MARCHF6: variants seen among roughly 807,000 people sequenced by gnomAD.
MARCHF6 encodes the protein membrane associated ring-CH-type finger 6, also known as E3 ubiquitin-protein ligase MARCHF6.
A neutral mutation model predicts 133.7 loss-of-function variants in MARCHF6; 31 were observed. That is an observed-to-expected ratio of 0.23 (90% confidence interval 0.17 to 0.31). MARCHF6 has a LOEUF of 0.31. MARCHF6 is among the 10% of genes least tolerant of loss of function. The pLI is 1.00. For synonymous variants in MARCHF6, 395 were observed against 402.5 expected (o/e 0.98, Z 0.22); for missense variants, 723 against 1,121.6 (o/e 0.64, Z 5.08).
chr5:10,431,726 G>C (rs972708440), intron 25 of MARCHF6, among the ~76,000 whole-genome samples: 23 of 152,036 alleles, frequency 1.5e-4, no homozygotes, highest in African/African-American at 5.6e-4. Flanking sequence ...GTTGGGTTCA[G>C]AGTCTCCTTT....
chr5:10,401,981 A>T, intron 11 of MARCHF6, 78 bp from the exon 12 acceptor site: 1 of 820,222 alleles, frequency 1.2e-6, no homozygotes, highest in Non-Finnish European at 2.1e-6. Flanking sequence ...TTAGTCATTT[A>T]GATTGTTTAA....
intron 1 of MARCHF6, among the ~76,000 whole-genome samples, chr5:10,362,282 G>T (rs778707509): frequency 6.6e-6 from 1 of 152,086 alleles, no homozygotes; most frequent in Non-Finnish European, 1.5e-5. Context: ...TGTCTACTAC[G>T]TATCTAGGAC....
At chr5:10,422,771 A>G (rs540232650) in intron 22 of MARCHF6, among the ~76,000 whole-genome samples, 1 of 144,476 alleles carries the variant, frequency 6.9e-6, no homozygotes, top group African/African-American at 2.9e-5. Flanking sequence ...AGAATTAACA[A>G]TCTGAGCAAA....
intron 5 of MARCHF6, 109 bp downstream of exon 5, chr5:10,387,175 ATAATT>A: frequency 1.3e-6 from 1 of 741,496 alleles, no homozygotes; most frequent in Non-Finnish European, 2.2e-6. Context: ...TTTGAGAACA[ATAATT>A]TATGTCTATT....
intron 18 of MARCHF6, 46 bp from the exon 19 acceptor site, chr5:10,411,287 A>G: frequency 1.4e-6 from 2 of 1,471,760 alleles, no homozygotes; most frequent in Non-Finnish European, 1.9e-6. Context: ...CTGCCATTTT[A>G]TTGTGACCTG....
In MARCHF6 at chr5:10,408,261, CT is replaced by C. The variant is rs368439221; in HGVS notation, c.1553+1060del. ...TTCTAGAACTTGGATTATTTTACCCCTGTGTTTAAAAGTTGGCAGCACTTCC... is the reference window on the plus strand; with the variant it reads ...TTCTAGAACTTGGATTATTTTACCCCGTGTTTAAAAGTTGGCAGCACTTCC... On this transcript the variant is annotated intron_variant, in intron 17 of 25. Coordinates refer to ENST00000274140, the MANE Select transcript of MARCHF6 (RefSeq NM_005885.4). 2.9e-4 allele frequency among the ~76,000 whole-genome samples: 44 copies of C among 152,286 alleles called. No homozygotes were observed. In the East Asian group the frequency reaches 7.9e-3, roughly 27 times the overall value.
At chr5:10,380,420 T>G (rs892998361) in intron 3 of MARCHF6, among the ~76,000 whole-genome samples, 1 of 152,220 alleles carries the variant, frequency 6.6e-6, no homozygotes, top group Non-Finnish European at 1.5e-5. Flanking sequence ...GTTGAGTATC[T>G]TCATGAAATT....
At chr5:10,380,946 G>T (rs550809581) in intron 3 of MARCHF6, among the ~76,000 whole-genome samples, 1 of 150,960 alleles carries the variant, frequency 6.6e-6, no homozygotes, top group East Asian at 1.9e-4. Flanking sequence ...AAAAAAAGGT[G>T]CTATTTGTCA....
intron 19 of MARCHF6, chr5:10,413,205 A>C (rs112622661): frequency 0.025 from 3,874 of 152,302 alleles, 69 homozygotes; most frequent in Non-Finnish European, 0.036. Flanking sequence ...TTATCTCTTA[A>C]TAGCAGATCT....
chr5:10,369,044 A>C (rs1408394655), intron 1 of MARCHF6, among the ~76,000 whole-genome samples: 2 of 152,110 alleles, frequency 1.3e-5, no homozygotes, highest in Non-Finnish European at 2.9e-5. Context: ...GCTTGATGGA[A>C]GCTCCATCCC....
chr5:10,407,953 T>TTCC (rs1739001815), intron 17 of MARCHF6, among the ~76,000 whole-genome samples: 6 of 81,868 alleles, frequency 7.3e-5, no homozygotes, highest in African/African-American at 2.7e-4. Flanking sequence ...TGAAACTGCA[T>TTCC]CCCCCCCCCC....
At chr5:10,364,213 A>C (rs1259144839) in intron 1 of MARCHF6, among the ~76,000 whole-genome samples, 1 of 152,222 alleles carries the variant, frequency 6.6e-6, no homozygotes, top group Admixed American at 6.5e-5. Context: ...GAGGTAGAGC[A>C]GTTGGAATTT....
chr5:10,364,700 A>T (rs778127171), intron 1 of MARCHF6, among the ~76,000 whole-genome samples: 9 of 152,174 alleles, frequency 5.9e-5, no homozygotes, highest in Non-Finnish European at 8.8e-5. Flanking sequence ...AATCTCCACC[A>T]TGACTTGCGT....
chr5:10,401,737 A>G (rs1738543618), intron 11 of MARCHF6: 1 of 354,358 alleles, frequency 2.8e-6, no homozygotes, highest in Non-Finnish European at 5.1e-6. Context: ...AGCCTTTAGC[A>G]AATCTGCTTT....
At chr5:10,382,939 C>A (rs1737242891) in intron 4 of MARCHF6, among the ~76,000 whole-genome samples, 1 of 152,102 alleles carries the variant, frequency 6.6e-6, no homozygotes, top group Non-Finnish European at 1.5e-5. Context: ...TACTAATCAA[C>A]CCCCCTAATC....
intron 10 of MARCHF6, 97 bp downstream of exon 10, chr5:10,397,441 G>T: frequency 1.1e-6 from 1 of 905,540 alleles, no homozygotes. Context: ...TTTTAACATA[G>T]AAATAAATAC....
At chr5:10,392,410 T>C (rs1374229588) in intron 7 of MARCHF6, among the ~76,000 whole-genome samples, 1 of 152,158 alleles carries the variant, frequency 6.6e-6, no homozygotes, top group African/African-American at 2.4e-5. Flanking sequence ...ATTTCTAAGA[T>C]TGAAAAAGAA....
chr5:10,427,150 T>A (rs1204775227), intron 24 of MARCHF6, among the ~76,000 whole-genome samples: 1 of 152,220 alleles, frequency 6.6e-6, no homozygotes, highest in Non-Finnish European at 1.5e-5. Flanking sequence ...TCCATGTCCC[T>A]CTGGTCTCCA....
Position 10,394,791 on chromosome 5 carries a change from TA to T in MARCHF6, c.861+10del. The T allele has an allele frequency of 6.5e-7, 1 of 1,541,998 alleles. No homozygotes were observed. The highest frequency in any genetic ancestry group is 8.9e-7 in the Non-Finnish European group (1 of 1,128,212). ...ATGGATCACTAGTTTTTCTGGTAAG[TA>T]AAACTAATTTTTTTTTTTTTTTTTT... is the stretch of plus-strand genomic sequence containing the variant. On this transcript the variant is annotated splice_region_variant and intron_variant, in intron 9 of 25. Transcript: ENST00000274140.
Sources: allele counts gnomAD v4.1 joint callset (sites outside exome capture counted in the v4.1 genomes callset), GRCh38; gene constraint gnomAD v4.1.1; transcripts MANE v1.5; gene names NCBI Gene and HGNC (gene_info 2026-07-23, HGNC 2026-07-21).